The following PRKDC variants were observed in gnomAD, a reference collection of about 807,000 sequenced individuals.
PRKDC encodes DNA-dependent protein kinase catalytic subunit.
Under a neutral mutation model 486.9 loss-of-function variants are expected in PRKDC, and 82 were observed. The ratio of observed to expected loss-of-function variants is 0.17; its 90% CI spans 0.14 to 0.20. The LOEUF (loss-of-function observed/expected upper bound fraction) is 0.20, where lower values mean the gene tolerates loss of function less well. PRKDC is among the 10% of genes least tolerant of loss of function. PRKDC has a pLI of 1.00. For missense variants in PRKDC, 4,504 were observed against 5,038.2 expected (o/e 0.89, Z 3.21); for synonymous variants, 1,895 against 1,837.0 (o/e 1.03, Z -0.81).
chr8:47,849,371 G>T lies in PRKDC; in HGVS notation c.7130+8C>A. On this transcript the variant is annotated splice_region_variant and intron_variant, in intron 53 of 85. Transcript: ENST00000314191. ...CCTGCCCCGAAAGGATCCCTGGACA[G>T]CCCATACCTGTCTGCAAGAGGAGGG... 6.2e-7 allele frequency: 1 copy of T among 1,613,992 alleles called. No homozygotes were observed. Among genetic ancestry groups the T allele is most frequent in the Non-Finnish European group, 8.5e-7 (1 of 1,179,894 alleles).
intron 58 of PRKDC, 126 bp from the exon 59 acceptor site, chr8:47,834,522 G>C: frequency 1.0e-6 from 1 of 973,180 alleles, no homozygotes; most frequent in Non-Finnish European, 1.5e-6. Context: ...ACCCTGGGCA[G>C]AGGCTCTGTC....
chr8:47,791,787 C>T (rs1045848504), intron 74 of PRKDC, among the ~76,000 whole-genome samples: 1 of 152,026 alleles, frequency 6.6e-6, no homozygotes, highest in Admixed American at 6.6e-5. Context: ...ATGAAGAACA[C>T]TATGGAGATT....
intron 10 of PRKDC, among the ~76,000 whole-genome samples, chr8:47,941,344 CA>C (rs1253234355): frequency 1.3e-5 from 2 of 152,126 alleles, no homozygotes; most frequent in Admixed American, 6.5e-5. Flanking sequence ...CCTCAGGTCA[CA>C]AGGGATGATC....
In PRKDC at chr8:47,943,329, A is replaced by C; in HGVS notation, c.846T>G (p.Phe282Leu). 2 of 1,611,538 alleles carry C rather than the reference A, an allele frequency of 1.2e-6. No individual in the cohort carries two copies. The highest frequency in any genetic ancestry group is 1.7e-6 in the Non-Finnish European group (2 of 1,178,836). Residue 282 changes from phenylalanine to leucine, a missense_variant, in exon 10 of 86, where the codon TTT becomes TTG. By Grantham distance (22) the Phe-to-Leu change is conservative. Transcript: ENST00000314191. ...LRLFALHASQ[F>L]STCLLDNYVS... The stretch of plus-strand genomic sequence containing the variant: ...CGTAGTTGTCCAGAAGGCAGGTGCT[A>C]AACTGAGATGCATGCAGGGCAAATA...
chr8:47,803,511 G>C, intron 69 of PRKDC, 31 bp from the exon 70 acceptor site: 1 of 1,606,640 alleles, frequency 6.2e-7, no homozygotes, highest in Non-Finnish European at 8.5e-7. Flanking sequence ...GAGAGAAGGT[G>C]GTATGATGAT....
intron 38 of PRKDC, among the ~76,000 whole-genome samples, chr8:47,880,980 G>C (rs796834552): frequency 6.6e-6 from 1 of 151,654 alleles, no homozygotes; most frequent in East Asian, 1.9e-4. Flanking sequence ...CCAAGAGGCG[G>C]AGGTTGCAGT....
intron 27 of PRKDC, among the ~76,000 whole-genome samples, chr8:47,902,018 C>T (rs1423005174): frequency 1.3e-5 from 2 of 152,188 alleles, no homozygotes; most frequent in African/African-American, 4.8e-5. Flanking sequence ...TCTCTCCCTG[C>T]ACCCACTACT....
chr8:47,835,369 T>C (rs536908119), intron 58 of PRKDC, among the ~76,000 whole-genome samples: 2 of 151,668 alleles, frequency 1.3e-5, no homozygotes, highest in South Asian at 4.2e-4. Flanking sequence ...TTTAGAAAAA[T>C]TGTAGCAAAA....
rs2090176097 is a variant in PRKDC at position 47,927,664 on chromosome 8, G to A, written c.2259+107C>T. On this transcript the variant is annotated intron_variant, in intron 20 of 85. Coordinates refer to ENST00000314191, the MANE Select transcript of PRKDC (RefSeq NM_006904.7). ...AGCAGACCCTGACCCGGGCACGCCT[G>A]TGAGGAAACGCCTGCTGGGACTGCC... 4.5e-6 allele frequency: 6 copies of A among 1,342,922 alleles called. No homozygotes were observed. The East Asian group carries it at 1.6e-4, about 36-fold the overall frequency. 83.2% of individuals were successfully genotyped at this position (1,342,922 alleles called of 1,614,324 possible).
At chr8:47,827,217 T>C (rs1311245944) in intron 62 of PRKDC, among the ~76,000 whole-genome samples, 1 of 149,856 alleles carries the variant, frequency 6.7e-6, no homozygotes, top group East Asian at 2.0e-4. Context: ...AAATTTATAC[T>C]GACAGTTTCT....
At chr8:47,804,043 C>T (rs149391868) in intron 69 of PRKDC, among the ~76,000 whole-genome samples, 2,160 of 152,186 alleles carry the variant, frequency 0.014, 40 homozygotes, top group African/African-American at 0.041. Context: ...AACATTTTCA[C>T]TACCCCAAAA....
chr8:47,913,449 T>A (rs1227883990), intron 24 of PRKDC, among the ~76,000 whole-genome samples: 1 of 152,162 alleles, frequency 6.6e-6, no homozygotes, highest in Non-Finnish European at 1.5e-5. Context: ...CAGGCTGGAA[T>A]CCAGTGGCGT....
At chr8:47,889,253 G>A (rs758459544) in intron 32 of PRKDC, 31 bp from the exon 33 acceptor site, 34 of 1,541,078 alleles carry the variant, frequency 2.2e-5, no homozygotes, top group South Asian at 5.0e-5. Context: ...AAAACACTTC[G>A]TCAGCCAGCA....
chr8:47,785,558 A>G (rs941499985), intron 76 of PRKDC, among the ~76,000 whole-genome samples: 1 of 151,920 alleles, frequency 6.6e-6, no homozygotes, highest in Admixed American at 6.6e-5. Flanking sequence ...ACATAGCAAG[A>G]CCCCAACTCT....
intron 37 of PRKDC, 43 bp downstream of exon 37, chr8:47,881,869 T>C (rs373266824): frequency 1.3e-6 from 2 of 1,516,946 alleles, no homozygotes; most frequent in African/African-American, 2.8e-5. Context: ...AGTTACAGAG[T>C]TCAGAAGAAT....
intron 42 of PRKDC, among the ~76,000 whole-genome samples, chr8:47,863,190 A>G (rs1011536517): frequency 4.6e-5 from 7 of 152,252 alleles, no homozygotes; most frequent in African/African-American, 1.4e-4. Context: ...TATTATTTGT[A>G]AAATATTAGT....
At chr8:47,928,138 A>G (rs2090184074) in intron 19 of PRKDC, among the ~76,000 whole-genome samples, 3 of 151,972 alleles carry the variant, frequency 2.0e-5, no homozygotes, top group Non-Finnish European at 2.9e-5. Flanking sequence ...GAATTATGTT[A>G]AGAGAGCTTG....
At chr8:47,879,327 A>T (rs2089157236) in intron 39 of PRKDC, among the ~76,000 whole-genome samples, 164 bp downstream of exon 39, 1 of 152,196 alleles carries the variant, frequency 6.6e-6, no homozygotes, top group South Asian at 2.1e-4. Flanking sequence ...CCCTAGTAAA[A>T]ATGTACTGTA....
intron 4 of PRKDC, among the ~76,000 whole-genome samples, chr8:47,954,774 G>A (rs2090675695): frequency 6.6e-6 from 1 of 152,230 alleles, no homozygotes; most frequent in East Asian, 1.9e-4. Flanking sequence ...AAACCAAGGA[G>A]CAACCAGAAA....
Sources: allele counts gnomAD v4.1 joint callset (sites outside exome capture counted in the v4.1 genomes callset), GRCh38; gene constraint gnomAD v4.1.1; transcripts MANE v1.5; gene names NCBI Gene and HGNC (gene_info 2026-07-23, HGNC 2026-07-21).